PVT1: variants seen among roughly 807,000 people sequenced by gnomAD.
The protein encoded by PVT1 is Pvt1 oncogene.
intron 4 of PVT1, among the ~76,000 whole-genome samples, chr8:127,991,360 A>G (rs1185101741): frequency 1.3e-5 from 2 of 151,786 alleles, no homozygotes; most frequent in East Asian, 1.9e-4. Flanking sequence ...TAGCCAGGAT[A>G]GTCTTGATCT....
At position 127,804,834 on chromosome 8, in the gene PVT1, C is replaced by A. The variant is rs73351173; in HGVS notation, n.372+8763C>A. Among the ~76,000 whole-genome samples, 884 of 150,204 alleles carry A rather than the reference C, an allele frequency of 5.9e-3. 11 individuals are homozygous for A. The highest frequency in any genetic ancestry group is 0.02 in the African/African-American group (823 of 40,940). ...GCTTCCCAAAGTGCTGGGATTACAG[C>A]GTGAGCCACCACATCTGGACACATC... is the stretch of plus-strand genomic sequence containing the variant. On this transcript the variant is annotated intron_variant and non_coding_transcript_variant, in intron 2 of 10. Coordinates refer to ENST00000651587, the Ensembl canonical transcript of PVT1.
intron 2 of PVT1, among the ~76,000 whole-genome samples, chr8:127,881,543 G>A (rs896354569): frequency 1.2e-4 from 18 of 151,072 alleles, no homozygotes; most frequent in South Asian, 6.3e-4. Context: ...TGCAACCTCC[G>A]CCTTCTGGGT....
chr8:128,094,274 A>T (rs1814398989), intron 5 of PVT1, among the ~76,000 whole-genome samples: 1 of 152,246 alleles, frequency 6.6e-6, no homozygotes, highest in South Asian at 2.1e-4. Context: ...TTACATTTTT[A>T]AATGTAAATG....
At chr8:128,054,444 G>T (rs1586499992) in intron 4 of PVT1, among the ~76,000 whole-genome samples, 2 of 152,210 alleles carry the variant, frequency 1.3e-5, no homozygotes, top group South Asian at 4.1e-4. Context: ...GAGGCTCAGA[G>T]AGGTGAGGTA....
intron 2 of PVT1, among the ~76,000 whole-genome samples, chr8:127,871,934 C>CA (rs1049474147): frequency 4.6e-5 from 7 of 151,828 alleles, no homozygotes; most frequent in Middle Eastern, 6.8e-3. Flanking sequence ...ACTAAAAATA[C>CA]AAAAAAAATT....
chr8:127,816,696 G>A (rs1814664488), intron 2 of PVT1, among the ~76,000 whole-genome samples: 1 of 151,860 alleles, frequency 6.6e-6, no homozygotes, highest in African/African-American at 2.4e-5. Flanking sequence ...GCTAATTTTT[G>A]TATTTTTAGT....
At chr8:127,804,288 G>A (rs917498501) in intron 2 of PVT1, among the ~76,000 whole-genome samples, 1 of 152,078 alleles carries the variant, frequency 6.6e-6, no homozygotes, top group African/African-American at 2.4e-5. Flanking sequence ...TATTTCTTGA[G>A]TTGAATACAA....
intron 3 of PVT1, among the ~76,000 whole-genome samples, chr8:127,972,169 G>A (rs543401670): frequency 2.6e-5 from 4 of 152,370 alleles, no homozygotes; most frequent in East Asian, 3.9e-4. Flanking sequence ...ATGCTGGGGC[G>A]AAGTTCTGCC....
rs566993882 is a variant in PVT1 at position 127,903,515 on chromosome 8, T to C, written n.782+12517T>C. Among the ~76,000 whole-genome samples the C allele has an allele frequency of 8.5e-5, 13 of 152,330 alleles. No homozygotes were observed. In the South Asian group the frequency reaches 2.7e-3, roughly 32 times the overall value. ...CCATAAATTCCTGTCAAGGCCTATATTGAGAGGGGTATTTCCTCGGTTTTC... is the reference window on the plus strand; with the variant it reads ...CCATAAATTCCTGTCAAGGCCTATACTGAGAGGGGTATTTCCTCGGTTTTC... On this transcript the variant is annotated intron_variant and non_coding_transcript_variant, in intron 3 of 10. Coordinates refer to ENST00000651587, the Ensembl canonical transcript of PVT1.
At chr8:127,850,337 T>C (rs543407629) in intron 2 of PVT1, among the ~76,000 whole-genome samples, 1 of 152,178 alleles carries the variant, frequency 6.6e-6, no homozygotes, top group Non-Finnish European at 1.5e-5. Context: ...AGATTTGTAA[T>C]CTCTGTGGCT....
rs3041914 is a variant in PVT1 at position 128,058,378 on chromosome 8, ATGTG to A, written n.913-11752_913-11749del. 2.5e-3 allele frequency among the ~76,000 whole-genome samples: 370 copies of A among 146,666 alleles called. 1 individual carries two copies. The highest frequency in any genetic ancestry group is 7.0e-3 in the African/African-American group (279 of 40,040). On this transcript the variant is annotated intron_variant and non_coding_transcript_variant, in intron 4 of 10. Coordinates refer to ENST00000651587, the Ensembl canonical transcript of PVT1. ...TGTAACTAATTAAACAAACTGATGC[ATGTG>A]TGTGTGTGTGTGTGTGTGTGTGTGT...
chr8:128,046,865 A>C (rs1054474162), intron 4 of PVT1, among the ~76,000 whole-genome samples: 7 of 152,198 alleles, frequency 4.6e-5, no homozygotes, highest in Admixed American at 3.9e-4. Flanking sequence ...CTCCATCTCT[A>C]ATCACGTAGA....
chr8:128,094,323 G>A (rs1034976050), intron 5 of PVT1, among the ~76,000 whole-genome samples: 1 of 152,048 alleles, frequency 6.6e-6, no homozygotes, highest in Non-Finnish European at 1.5e-5. Context: ...ATTTTTAGAT[G>A]TTTAAATAAA....
intron 2 of PVT1, among the ~76,000 whole-genome samples, chr8:127,837,967 G>A (rs1434183073): frequency 6.6e-6 from 1 of 150,792 alleles, no homozygotes; most frequent in Non-Finnish European, 1.5e-5. Flanking sequence ...GTGCAATCTC[G>A]GCTCACTGCA....
chr8:127,875,962 G>A (rs971320811), intron 2 of PVT1, among the ~76,000 whole-genome samples: 1 of 152,194 alleles, frequency 6.6e-6, no homozygotes, highest in African/African-American at 2.4e-5. Flanking sequence ...TCTGAAACAG[G>A]GTTTCTCTGG....
At chr8:128,056,625 A>G (rs1388992561) in intron 4 of PVT1, among the ~76,000 whole-genome samples, 5 of 152,124 alleles carry the variant, frequency 3.3e-5, no homozygotes, top group African/African-American at 1.2e-4. Context: ...TCCCGAGGCC[A>G]ATGCCTAGTG....
At chr8:127,897,619 GAA>G (rs1815696926) in intron 3 of PVT1, among the ~76,000 whole-genome samples, 1 of 139,636 alleles carries the variant, frequency 7.2e-6, no homozygotes, top group East Asian at 2.0e-4. Context: ...AGAAAGGAAA[GAA>G]AGAAAGAAAG....
chr8:127,863,864 G>A (rs751739903), intron 2 of PVT1, among the ~76,000 whole-genome samples: 44 of 152,176 alleles, frequency 2.9e-4, no homozygotes, highest in Non-Finnish European at 5.1e-4. Flanking sequence ...CTGTGGCCAG[G>A]GCTTTGCTTT....
chr8:127,908,530 C>T (rs1207933715), intron 3 of PVT1, among the ~76,000 whole-genome samples: 4 of 151,880 alleles, frequency 2.6e-5, no homozygotes, highest in East Asian at 1.9e-4. Context: ...TTAGTAAAGA[C>T]GGGGTTTCAC....
Sources: allele counts gnomAD v4.1 joint callset (sites outside exome capture counted in the v4.1 genomes callset), GRCh38; gene constraint gnomAD v4.1.1; transcripts MANE v1.5; gene names NCBI Gene and HGNC (gene_info 2026-07-23, HGNC 2026-07-21).